RFTN1: variants seen among roughly 807,000 people sequenced by gnomAD.
RFTN1 encodes raftlin.
In RFTN1, 26 loss-of-function variants were observed where a neutral mutation model predicts 46.5. That is an observed-to-expected ratio of 0.56 (90% CI 0.41 to 0.78). The LOEUF is 0.78. RFTN1 is among the 30% of genes least tolerant of loss of function. The pLI is 0.00. For synonymous variants in RFTN1, 261 were observed against 284.2 expected, an observed-to-expected ratio of 0.92 and a Z score of 0.82; for missense variants, 693 against 718.7, an observed-to-expected ratio of 0.96 and a Z score of 0.41.
At chr3:16,419,687 A>T (rs531046175) in intron 3 of RFTN1, among the ~76,000 whole-genome samples, 1 of 152,328 alleles carries the variant, frequency 6.6e-6, no homozygotes, top group Admixed American at 6.5e-5. Context: ...AAACTGAAGA[A>T]ATACTTGAGG....
In RFTN1 at chr3:16,327,497, C is replaced by T. The variant is rs558940555; in HGVS notation, c.1147-621G>A. Among the ~76,000 whole-genome samples the T allele has an allele frequency of 2.0e-5, 3 of 152,280 alleles. No homozygotes were observed. The highest frequency in any genetic ancestry group is 2.1e-4 in the South Asian group (1 of 4,834). On this transcript the variant is annotated intron_variant, in intron 7 of 9. Transcript: ENST00000334133. This position sits in a 1 kb window ranked among gnomAD's most constrained non-coding sequence, Gnocchi z 4.2. ...AGCCCCGGCCGGGTGCTGTGGCTCA[C>T]GTCTGTAATCCCAGCACTTTGGGAG...
chr3:16,512,599 T>C lies in RFTN1; in HGVS notation c.-9+843A>G, dbSNP rs542853266. Among the ~76,000 whole-genome samples, 444 of 152,236 alleles carry C rather than the reference T, an allele frequency of 2.9e-3. 9 individuals are homozygous for C. Among genetic ancestry groups the C allele is most frequent in the Non-Finnish European group, 1.1e-3 (73 of 68,012 alleles). On this transcript the variant is annotated intron_variant, in intron 1 of 9. Transcript: ENST00000334133. The surrounding 1 kb of genome is among the most constrained non-coding windows in gnomAD (Gnocchi z 4.3). ...ACAACCTTGGCCTCCACGCGGTTCT[T>C]GCTGCCAAAGGCAGCGACACCGGAG...
chr3:16,337,117 C>T lies in RFTN1; in HGVS notation c.1147-10241G>A, dbSNP rs2070931947. 1 of 152,284 alleles carries T rather than the reference C, an allele frequency of 6.6e-6. No individual in the cohort carries two copies. Among genetic ancestry groups the T allele is most frequent in the African/African-American group, 2.4e-5 (1 of 41,464 alleles). The allele number at this position is 152,284 out of a possible 1,614,324, so 9.4% of individuals were successfully genotyped here. ...TGTTTCTGCTCACTCTCCAGGAACC[C>T]TGCCTACGCCATGAGGACAGGCCCA... On this transcript the variant is annotated intron_variant, in intron 7 of 9. Coordinates refer to ENST00000334133, the MANE Select transcript of RFTN1 (RefSeq NM_015150.2). This position sits in a 1 kb window ranked among gnomAD's most constrained non-coding sequence, Gnocchi z 5.0.
intron 6 of RFTN1, among the ~76,000 whole-genome samples, chr3:16,368,842 G>A (rs1267211293): frequency 6.6e-6 from 1 of 152,166 alleles, no homozygotes; most frequent in Non-Finnish European, 1.5e-5. Context: ...GTGCTCAGTA[G>A]CCGCAGGCAG....
chr3:16,482,777 A>G lies in RFTN1; in HGVS notation c.145+10948T>C, dbSNP rs751178415. On this transcript the variant is annotated intron_variant, in intron 2 of 9. Coordinates refer to ENST00000334133, the MANE Select transcript of RFTN1 (RefSeq NM_015150.2). ...CATCCAAGTCCACTGCTCCATCACA[A>G]TACATCAGCTGCAGGGATCCCCAGA... 5.3e-5 allele frequency: 81 copies of G among 1,536,128 alleles called. No homozygotes were observed. The South Asian group carries it at 8.4e-4, about 16-fold the overall frequency.
At chr3:16,467,847 C>G (rs1034002733) in intron 2 of RFTN1, among the ~76,000 whole-genome samples, 5 of 152,200 alleles carry the variant, frequency 3.3e-5, no homozygotes, top group African/African-American at 1.2e-4. Flanking sequence ...GAGCAGGGAG[C>G]AGACCCCAGA....
intron 6 of RFTN1, among the ~76,000 whole-genome samples, chr3:16,368,783 T>C (rs984696979): frequency 2.6e-5 from 4 of 152,228 alleles, no homozygotes; most frequent in African/African-American, 9.6e-5. Context: ...TAATGAAAGT[T>C]AAATGAATTT....
intron 1 of RFTN1, among the ~76,000 whole-genome samples, chr3:16,511,131 A>G (rs77898199): frequency 1.3e-5 from 2 of 152,334 alleles, no homozygotes; most frequent in South Asian, 4.1e-4. Context: ...AGGGCAGAGA[A>G]TGACTGAGAA....
rs1408412830 is a variant in RFTN1, at chr3:16,370,503, G to A, written c.827-224C>T. On this transcript the variant is annotated intron_variant, in intron 5 of 9. Coordinates refer to ENST00000334133, the MANE Select transcript of RFTN1 (RefSeq NM_015150.2). This position sits in a 1 kb window ranked among gnomAD's most constrained non-coding sequence, Gnocchi z 5.5. Reference sequence around the variant, plus strand: ...ACCTGAAGGGTTGGGCTTCTGATGGGGAACTTAGGTTTTTAATCTGGAATA... The same window carrying A: ...ACCTGAAGGGTTGGGCTTCTGATGGAGAACTTAGGTTTTTAATCTGGAATA... Among the ~76,000 whole-genome samples, 11 of 152,160 alleles carry A rather than the reference G, an allele frequency of 7.2e-5. No homozygotes were observed. The highest frequency in any genetic ancestry group is 2.7e-4 in the African/African-American group (11 of 41,430).
At chr3:16,476,608 T>G (rs7619304) in intron 2 of RFTN1, among the ~76,000 whole-genome samples, 17,081 of 151,506 alleles carry the variant, frequency 0.11, 1,048 homozygotes, top group Middle Eastern at 0.16. Context: ...GAGGGAAGAG[T>G]GAATGAACTG....
intron 6 of RFTN1, among the ~76,000 whole-genome samples, chr3:16,358,354 A>C (rs1296152307): frequency 6.6e-6 from 1 of 152,156 alleles, no homozygotes; most frequent in Non-Finnish European, 1.5e-5. Flanking sequence ...GTCAGGATGC[A>C]CTGGGGAGAA....
chr3:16,386,908 A>G (rs751164662), intron 4 of RFTN1, among the ~76,000 whole-genome samples: 1 of 152,244 alleles, frequency 6.6e-6, no homozygotes, highest in Non-Finnish European at 1.5e-5. Context: ...TAGAGGCAGC[A>G]GTCTGTGACA....
intron 6 of RFTN1, among the ~76,000 whole-genome samples, chr3:16,369,210 G>A (rs2073384181): frequency 2.0e-5 from 3 of 152,246 alleles, no homozygotes; most frequent in Admixed American, 1.3e-4. Flanking sequence ...TGCAAACAAT[G>A]TAGAATCCAA....
chr3:16,401,090 T>C (rs1174848744), intron 4 of RFTN1, among the ~76,000 whole-genome samples: 1 of 152,106 alleles, frequency 6.6e-6, no homozygotes, highest in African/African-American at 2.4e-5. Flanking sequence ...TGGGGGCCGA[T>C]CGCTTGAGCC....
intron 6 of RFTN1, among the ~76,000 whole-genome samples, chr3:16,369,300 G>T (rs2073388791): frequency 6.6e-6 from 1 of 152,236 alleles, no homozygotes; most frequent in African/African-American, 2.4e-5. Flanking sequence ...CCCCTGCCAG[G>T]TTTTGCTGGG....
rs1225183240 is a variant in RFTN1, at chr3:16,507,692, TAC to T, written c.-9+5748_-9+5749del. On this transcript the variant is annotated intron_variant, in intron 1 of 9. Coordinates refer to ENST00000334133, the MANE Select transcript of RFTN1 (RefSeq NM_015150.2). The surrounding 1 kb of genome is among the most constrained non-coding windows in gnomAD (Gnocchi z 7.1). ...CACACAATGCACATAAACACACACA[TAC>T]ACACACATACATACACATACACACA... 6.9e-6 allele frequency among the ~76,000 whole-genome samples: 1 copy of T among 144,568 alleles called. No individual in the cohort carries two copies. Among genetic ancestry groups the T allele is most frequent in the African/African-American group, 2.6e-5 (1 of 38,422 alleles). 94.8% of individuals were successfully genotyped at this position (144,568 alleles called of 152,430 possible).
rs994129908 is a variant in RFTN1 at position 16,504,979 on chromosome 3, A to T, written c.-9+8463T>A. Among the ~76,000 whole-genome samples the T allele has an allele frequency of 2.6e-5, 4 of 152,004 alleles. No homozygotes were observed. Among genetic ancestry groups the T allele is most frequent in the Non-Finnish European group, 5.9e-5 (4 of 67,984 alleles). ...ACCCCAGTATCAGCCTGCTCCCGCC[A>T]CCATCCTCACCCTGACATTGGCCCA... is the stretch of plus-strand genomic sequence containing the variant. On this transcript the variant is annotated intron_variant, in intron 1 of 9. Coordinates refer to ENST00000334133, the MANE Select transcript of RFTN1 (RefSeq NM_015150.2). The surrounding 1 kb of genome is among the most constrained non-coding windows in gnomAD (Gnocchi z 4.4).
rs1311647146 is a variant in RFTN1, at chr3:16,484,699, A to G, written c.145+9026T>C. Reference sequence around the variant, plus strand: ...AACTTTTTCATGTTGAAGCCCTTCAATTTAGTTTAAACCCACCACAGCACA... The same window carrying G: ...AACTTTTTCATGTTGAAGCCCTTCAGTTTAGTTTAAACCCACCACAGCACA... On this transcript the variant is annotated intron_variant, in intron 2 of 9. Coordinates refer to ENST00000334133, the MANE Select transcript of RFTN1 (RefSeq NM_015150.2). This position sits in a 1 kb window ranked among gnomAD's most constrained non-coding sequence, Gnocchi z 4.6. The G allele has an allele frequency of 1.3e-5, 2 of 152,234 alleles. No homozygotes were observed. Among genetic ancestry groups the G allele is most frequent in the Admixed American group, 1.3e-4 (2 of 15,278 alleles). The allele number at this position is 152,234 out of a possible 1,614,324, so 9.4% of individuals were successfully genotyped here.
At chr3:16,369,305 G>T (rs2073389068) in intron 6 of RFTN1, among the ~76,000 whole-genome samples, 1 of 152,228 alleles carries the variant, frequency 6.6e-6, no homozygotes, top group African/African-American at 2.4e-5. Flanking sequence ...GCCAGGTTTT[G>T]CTGGGATTGA....
Sources: allele counts gnomAD v4.1 joint callset (sites outside exome capture counted in the v4.1 genomes callset), GRCh38; gene constraint gnomAD v4.1.1; non-coding constraint Gnocchi (gnomAD v3.1); transcripts MANE v1.5; gene names NCBI Gene and HGNC (gene_info 2026-07-23, HGNC 2026-07-21).